Variants in OCA2 observed in about 807,000 individuals in gnomAD.
OCA2 encodes OCA2 melanosomal transmembrane protein, also known as P protein.
A neutral mutation model predicts 100.2 loss-of-function variants in OCA2; 77 were observed. The ratio of observed to expected loss-of-function variants is 0.77; its 90% CI spans 0.64 to 0.93. The LOEUF (loss-of-function observed/expected upper bound fraction) is 0.93, where lower values mean the gene tolerates loss of function less well. Among genes scored for constraint, OCA2 ranks in the 40% least tolerant of loss-of-function variants. The probability of loss-of-function intolerance (pLI) is 0.00; values close to 1 mark genes in which losing one functional copy is unlikely to be tolerated. For synonymous variants in OCA2, 432 were observed against 439.2 expected (o/e 0.98, Z 0.21); for missense variants, 1,062 against 1,089.1 (o/e 0.98, Z 0.35).
At chr15:27,832,195 TC>T (rs889970247) in intron 23 of OCA2, among the ~76,000 whole-genome samples, 1 of 152,142 alleles carries the variant, frequency 6.6e-6, no homozygotes, top group African/African-American at 2.4e-5. Context: ...ATGGCTCACA[TC>T]CACGTTGTCC....
chr15:28,065,848 T>G (rs2044007314), intron 2 of OCA2, among the ~76,000 whole-genome samples: 1 of 152,202 alleles, frequency 6.6e-6, no homozygotes, highest in Non-Finnish European at 1.5e-5. Context: ...TTTTATTAAA[T>G]TTAATCCTAA....
intron 23 of OCA2, among the ~76,000 whole-genome samples, chr15:27,759,609 C>T (rs565382040): frequency 6.6e-5 from 10 of 151,378 alleles, no homozygotes; most frequent in African/African-American, 2.2e-4. Context: ...GCAGTCAATC[C>T]ACCGAGAGAT....
chr15:27,905,120 C>T (rs531064933), intron 19 of OCA2, among the ~76,000 whole-genome samples: 8 of 149,050 alleles, frequency 5.4e-5, no homozygotes, highest in African/African-American at 1.7e-4. Flanking sequence ...GCCAAGATCG[C>T]GCCACTGCAC....
At chr15:27,956,109 G>T (rs2140681950) in intron 16 of OCA2, among the ~76,000 whole-genome samples, 1 of 152,250 alleles carries the variant, frequency 6.6e-6, no homozygotes, top group South Asian at 2.1e-4. Context: ...CAGTACTTTG[G>T]GAGGCTGAGG....
At chr15:28,006,223 T>C (rs1445396478) in intron 9 of OCA2, among the ~76,000 whole-genome samples, 1 of 152,200 alleles carries the variant, frequency 6.6e-6, no homozygotes, top group African/African-American at 2.4e-5. Flanking sequence ...CAAGATTCAC[T>C]GTGGCCCTCC....
the OCA2 span, among the ~76,000 whole-genome samples, chr15:27,725,854 C>CA: frequency 6.6e-6 from 1 of 151,922 alleles, no homozygotes; most frequent in Non-Finnish European, 1.5e-5. Context: ...GTTGAGTTCT[C>CA]AAAAAAAGTT....
At chr15:27,949,005 G>A (rs2039940273) in intron 18 of OCA2, among the ~76,000 whole-genome samples, 1 of 152,100 alleles carries the variant, frequency 6.6e-6, no homozygotes, top group Non-Finnish European at 1.5e-5. Context: ...TGACTGCAGT[G>A]GCAGTTACAC....
At chr15:27,951,679 C>T in intron 18 of OCA2, 105 bp downstream of exon 18, 1 of 848,524 alleles carries the variant, frequency 1.2e-6, no homozygotes, top group South Asian at 1.4e-5. Context: ...TGGCCTTCCA[C>T]CAGCCCGGCT....
chr15:27,961,897 T>C (rs1181594613), intron 15 of OCA2, among the ~76,000 whole-genome samples: 10 of 152,066 alleles, frequency 6.6e-5, no homozygotes, highest in South Asian at 6.2e-4. Context: ...TGTATACCTA[T>C]GTAACAAACC....
chr15:28,052,719 T>C lies in OCA2; in HGVS notation c.228-20556A>G, dbSNP rs113664175. Among the ~76,000 whole-genome samples the C allele has an allele frequency of 5.7e-3, 866 of 152,364 alleles. 12 individuals are homozygous for C. The highest frequency in any genetic ancestry group is 0.02 in the African/African-American group (836 of 41,586). On this transcript the variant is annotated intron_variant, in intron 2 of 23. Transcript: ENST00000354638. The stretch of plus-strand genomic sequence containing the variant: ...TTTCTGCATTTTCACAGAGGTCTAA[T>C]GCCCTGCATTAAGCAAGCTCACAGG...
At chr15:27,847,828 G>A (rs74005262) in intron 22 of OCA2, among the ~76,000 whole-genome samples, 1 of 152,116 alleles carries the variant, frequency 6.6e-6, no homozygotes, top group Non-Finnish European at 1.5e-5. Context: ...AAAACCAGCC[G>A]GTGTTAGCCG....
intron 18 of OCA2, among the ~76,000 whole-genome samples, chr15:27,944,976 G>C (rs926452909): frequency 2.0e-5 from 3 of 152,150 alleles, no homozygotes; most frequent in Non-Finnish European, 4.4e-5. Flanking sequence ...CTCCCCTCTA[G>C]AGAAGACGAC....
intron 18 of OCA2, among the ~76,000 whole-genome samples, chr15:27,934,495 A>C (rs2039379620): frequency 6.6e-6 from 1 of 152,232 alleles, no homozygotes; most frequent in Non-Finnish European, 1.5e-5. Context: ...TTAAATTCTC[A>C]GTAAGAAATA....
chr15:27,730,663 A>G, the OCA2 span, among the ~76,000 whole-genome samples: 60,361 of 147,954 alleles, frequency 0.41, 13,284 homozygotes, highest in Non-Finnish European at 0.48. Context: ...CATGCAAAAA[A>G]CACTGTTAAC....
chr15:27,957,775 CTCAGATA>C lies in OCA2; in HGVS notation c.1637-47_1637-41del, dbSNP rs1402083764. ...AGGCGAAGCTTGGGTCTCCCATGAC[CTCAGATA>C]TCAGCAACACCCTCCTCTGTTCCCC... is the stretch of plus-strand genomic sequence containing the variant. On this transcript the variant is annotated intron_variant, in intron 15 of 23. Coordinates refer to ENST00000354638, the MANE Select transcript of OCA2 (RefSeq NM_000275.3). The surrounding 1 kb of genome is among the most constrained non-coding windows in gnomAD (Gnocchi z 4.3). The C allele has an allele frequency of 9.3e-6, 15 of 1,611,686 alleles. No homozygotes were observed. Among genetic ancestry groups the C allele is most frequent in the Non-Finnish European group, 1.1e-5 (13 of 1,179,264 alleles).
chr15:28,036,437 C>A (rs2043047620), intron 2 of OCA2, among the ~76,000 whole-genome samples: 1 of 152,120 alleles, frequency 6.6e-6, no homozygotes, highest in East Asian at 1.9e-4. Context: ...TCGGTATCAG[C>A]CATGTTTAAA....
At chr15:27,740,922 C>A in the OCA2 span, among the ~76,000 whole-genome samples, 4 of 152,216 alleles carry the variant, frequency 2.6e-5, no homozygotes, top group African/African-American at 9.6e-5. Flanking sequence ...TCCCACCTAA[C>A]TCCCCGAGGA....
At chr15:28,070,295 C>G (rs1273135950) in intron 2 of OCA2, among the ~76,000 whole-genome samples, 5 of 144,402 alleles carry the variant, frequency 3.5e-5, no homozygotes, top group African/African-American at 5.4e-5. Context: ...GCAGCCACCC[C>G]GTCCGGGAGG....
intron 23 of OCA2, among the ~76,000 whole-genome samples, chr15:27,790,612 G>T (rs1174205350): frequency 1.3e-5 from 2 of 152,146 alleles, no homozygotes; most frequent in African/African-American, 4.8e-5. Context: ...GGGGCTGAAA[G>T]TGGAAAGGAG....
Sources: gnomAD v4.1 joint callset for allele counts (sites outside exome capture counted in the v4.1 genomes callset) on GRCh38, gnomAD v4.1.1 for gene constraint, Gnocchi (gnomAD v3.1) non-coding constraint, MANE v1.5 for transcripts, NCBI Gene and HGNC (gene_info 2026-07-23, HGNC 2026-07-21) for gene names.